STK32B: variants seen among roughly 807,000 people sequenced by gnomAD.
STK32B encodes the protein serine/threonine-protein kinase 32B.
Under a neutral mutation model 52.6 loss-of-function variants are expected in STK32B, and 43 were observed. The observed-to-expected ratio is 0.82, with a 90% confidence interval of 0.64 to 1.05. STK32B has a LOEUF of 1.05. STK32B is among the 50% of genes least tolerant of loss of function. The pLI, the probability that STK32B is intolerant of heterozygous loss-of-function variation, is 0.00. For missense variants in STK32B, 621 were observed against 534.6 expected (o/e 1.16, Z -1.59); for synonymous variants, 238 against 204.3 (o/e 1.17, Z -1.41).
intron 3 of STK32B, among the ~76,000 whole-genome samples, chr4:5,314,845 T>C (rs1400744606): frequency 6.6e-6 from 1 of 151,320 alleles, no homozygotes; most frequent in Non-Finnish European, 1.5e-5. Flanking sequence ...ATGAAGGAGA[T>C]AAAATAAAAA....
intron 3 of STK32B, among the ~76,000 whole-genome samples, chr4:5,186,534 C>T (rs1720752782): frequency 6.6e-6 from 1 of 152,146 alleles, no homozygotes; most frequent in Non-Finnish European, 1.5e-5. Context: ...CTCTTCCCTC[C>T]ATCTGGGATG....
chr4:5,166,229 A>G (rs1029545827), intron 2 of STK32B, among the ~76,000 whole-genome samples: 2 of 151,906 alleles, frequency 1.3e-5, no homozygotes, highest in African/African-American at 4.8e-5. Context: ...ATTTCTCAGG[A>G]AGGCCACACT....
chr4:5,416,686 G>A (rs962140407), intron 5 of STK32B, among the ~76,000 whole-genome samples, 159 bp from the exon 6 acceptor site: 2 of 152,118 alleles, frequency 1.3e-5, no homozygotes, highest in African/African-American at 4.8e-5. Context: ...TCTGAAACAT[G>A]CACACAAAAT....
intron 4 of STK32B, among the ~76,000 whole-genome samples, chr4:5,381,413 C>A (rs570358947): frequency 6.6e-6 from 1 of 152,188 alleles, no homozygotes; most frequent in Admixed American, 6.5e-5. Context: ...GTATCTTCAG[C>A]TGAGCACCAA....
At chr4:5,404,082 C>A (rs970972008) in intron 5 of STK32B, among the ~76,000 whole-genome samples, 5 of 152,064 alleles carry the variant, frequency 3.3e-5, no homozygotes, top group Non-Finnish European at 5.9e-5. Context: ...GTCCTACAGA[C>A]ATGGTATGTG....
At chr4:5,125,922 G>C (rs2108815793) in intron 1 of STK32B, among the ~76,000 whole-genome samples, 1 of 152,220 alleles carries the variant, frequency 6.6e-6, no homozygotes, top group South Asian at 2.1e-4. Flanking sequence ...GCCCCCATCA[G>C]ATCTACCGGA....
At chr4:5,423,096 C>G (rs1160939624) in intron 6 of STK32B, among the ~76,000 whole-genome samples, 1 of 152,072 alleles carries the variant, frequency 6.6e-6, no homozygotes, top group East Asian at 1.9e-4. Flanking sequence ...CCTAGGGAAC[C>G]AGTGGAAGGT....
At chr4:5,308,123 G>A (rs1408518162) in intron 3 of STK32B, among the ~76,000 whole-genome samples, 4 of 152,126 alleles carry the variant, frequency 2.6e-5, no homozygotes, top group East Asian at 3.8e-4. Context: ...AGGAGGTGTC[G>A]CTTTCAAGAG....
intron 1 of STK32B, among the ~76,000 whole-genome samples, chr4:5,110,293 G>A (rs981692724): frequency 9.4e-5 from 12 of 128,180 alleles, no homozygotes; most frequent in African/African-American, 1.7e-4. Flanking sequence ...AAAAAAAAGC[G>A]CAAATGACCA....
At chr4:5,406,892 C>T (rs796969696) in intron 5 of STK32B, among the ~76,000 whole-genome samples, 10 of 152,252 alleles carry the variant, frequency 6.6e-5, no homozygotes, top group African/African-American at 2.2e-4. Context: ...CATTCAGCTC[C>T]CTTTTACTCA....
intron 11 of STK32B, among the ~76,000 whole-genome samples, chr4:5,475,933 C>T (rs575438185): frequency 8.8e-4 from 134 of 151,906 alleles, no homozygotes; most frequent in African/African-American, 3.1e-3. Context: ...TTTTGCTCGT[C>T]GCCCAGGCTG....
chr4:5,110,980 A>G (rs1714372275), intron 1 of STK32B, among the ~76,000 whole-genome samples: 1 of 152,080 alleles, frequency 6.6e-6, no homozygotes, highest in Non-Finnish European at 1.5e-5. Context: ...TTGAAAAAAA[A>G]AAGAAATATA....
intron 1 of STK32B, among the ~76,000 whole-genome samples, chr4:5,138,731 G>A (rs1275447254): frequency 2.0e-5 from 3 of 152,206 alleles, no homozygotes; most frequent in Non-Finnish European, 4.4e-5. Context: ...GTTCCACAGT[G>A]CCATGAGAAT....
chr4:5,193,478 C>T (rs946830471), intron 3 of STK32B, among the ~76,000 whole-genome samples: 3 of 152,204 alleles, frequency 2.0e-5, no homozygotes, highest in Non-Finnish European at 4.4e-5. Context: ...CAAGCTTGAG[C>T]ATCTCCCACC....
chr4:5,257,451 A>G (rs1726403886), intron 3 of STK32B, among the ~76,000 whole-genome samples: 1 of 152,204 alleles, frequency 6.6e-6, no homozygotes, highest in Non-Finnish European at 1.5e-5. Flanking sequence ...GATGCAGAGC[A>G]CTGTCCAGAA....
intron 6 of STK32B, among the ~76,000 whole-genome samples, chr4:5,429,249 ATC>A (rs33982465): frequency 0.44 from 66,928 of 151,828 alleles, 15,849 homozygotes; most frequent in South Asian, 0.64. Context: ...GTCTAACAGT[ATC>A]TGTCTTTTCA....
intron 3 of STK32B, among the ~76,000 whole-genome samples, chr4:5,171,739 C>T (rs181512927): frequency 0.015 from 2,230 of 147,820 alleles, 61 homozygotes; most frequent in African/African-American, 0.049. Flanking sequence ...AGTCAGGTAG[C>T]GTGATGCCTC....
At chr4:5,188,251 C>T (rs12499824) in intron 3 of STK32B, among the ~76,000 whole-genome samples, 2 of 151,968 alleles carry the variant, frequency 1.3e-5, no homozygotes, top group African/African-American at 2.4e-5. Context: ...GCTCGATGAC[C>T]GAGCAATTTT....
chr4:5,375,602 A>T (rs1735536489), intron 4 of STK32B, among the ~76,000 whole-genome samples: 1 of 152,176 alleles, frequency 6.6e-6, no homozygotes, highest in Non-Finnish European at 1.5e-5. Flanking sequence ...TTTTAAGAAC[A>T]CAATATCTTC....
Sources: gnomAD v4.1 joint callset for allele counts (sites outside exome capture counted in the v4.1 genomes callset) on GRCh38, gnomAD v4.1.1 for gene constraint, MANE v1.5 for transcripts, NCBI Gene and HGNC (gene_info 2026-07-23, HGNC 2026-07-21) for gene names.